PBX1: variants seen among roughly 807,000 people sequenced by gnomAD.
PBX1 encodes PBX homeobox 1.
In PBX1, 6 loss-of-function variants were observed where a neutral mutation model predicts 53.4. The observed-to-expected ratio is 0.11, with a 90% CI of 0.06 to 0.22. The LOEUF (loss-of-function observed/expected upper bound fraction) is 0.22, where lower values mean the gene tolerates loss of function less well. Among genes scored for constraint, PBX1 ranks in the 10% least tolerant of loss-of-function variants. The pLI, the probability that PBX1 is intolerant of heterozygous loss-of-function variation, is 1.00. For missense variants in PBX1, 251 were observed against 551.4 expected (o/e 0.46, Z 5.46); for synonymous variants, 204 against 212.3 (o/e 0.96, Z 0.34).
chr1:164,579,237 T>C (rs1654455314), intron 2 of PBX1, among the ~76,000 whole-genome samples: 1 of 152,216 alleles, frequency 6.6e-6, no homozygotes, highest in South Asian at 2.1e-4. Flanking sequence ...GTTTATACCC[T>C]ACATTTATTA....
intron 2 of PBX1, among the ~76,000 whole-genome samples, chr1:164,779,954 G>T (rs1667851152): frequency 6.6e-6 from 1 of 152,188 alleles, no homozygotes; most frequent in Non-Finnish European, 1.5e-5. Flanking sequence ...CAGCCTCAGG[G>T]AGGCAGATAT....
intron 2 of PBX1, among the ~76,000 whole-genome samples, chr1:164,736,126 C>G (rs1665255339): frequency 6.6e-6 from 1 of 152,162 alleles, no homozygotes; most frequent in African/African-American, 2.4e-5. Flanking sequence ...TGAAAGTGCC[C>G]CATCCAGCCT....
At chr1:164,666,718 G>C (rs1660830110) in intron 2 of PBX1, among the ~76,000 whole-genome samples, 1 of 152,142 alleles carries the variant, frequency 6.6e-6, no homozygotes, top group African/African-American at 2.4e-5. Context: ...AGGATTCCTG[G>C]GAGTTACTGA....
In PBX1 at chr1:164,830,055, A is replaced by G. The variant is rs180819652; in HGVS notation, c.1200+8429A>G. Reference sequence around the variant, plus strand: ...CAGTAGCCACTTTTGGCCAGTGGCTACCATGTTGGCTAGTGAAGTTCTAGA... The same window carrying G: ...CAGTAGCCACTTTTGGCCAGTGGCTGCCATGTTGGCTAGTGAAGTTCTAGA... On this transcript the variant is annotated intron_variant, in intron 8 of 8. Transcript: ENST00000420696. 5.8e-4 allele frequency: 89 copies of G among 152,304 alleles called. No individual in the cohort carries two copies. The East Asian group carries it at 0.013, about 22-fold the overall frequency. 9.4% of individuals were successfully genotyped at this position (152,304 alleles called of 1,614,324 possible). A position where few individuals can be genotyped will look rare whatever the true frequency, so the allele number is the denominator to read the frequency against.
chr1:164,593,578 T>C (rs1309039102), intron 2 of PBX1, among the ~76,000 whole-genome samples: 1 of 152,164 alleles, frequency 6.6e-6, no homozygotes, highest in African/African-American at 2.4e-5. Context: ...TTTGTTTTCA[T>C]CTATAAAAAT....
chr1:164,647,545 G>A (rs1410370690), intron 2 of PBX1, among the ~76,000 whole-genome samples: 1 of 152,146 alleles, frequency 6.6e-6, no homozygotes, highest in Non-Finnish European at 1.5e-5. Context: ...GAAGCCTGAG[G>A]AGCTTTCCTT....
chr1:164,714,179 T>C (rs1024000515), intron 2 of PBX1, among the ~76,000 whole-genome samples: 5 of 152,256 alleles, frequency 3.3e-5, no homozygotes, highest in Admixed American at 6.5e-5. Flanking sequence ...GTTAATGCTC[T>C]AGATTCCCTG....
chr1:164,767,692 C>G (rs1288499211), intron 2 of PBX1, among the ~76,000 whole-genome samples: 1 of 151,684 alleles, frequency 6.6e-6, no homozygotes, highest in Non-Finnish European at 1.5e-5. Flanking sequence ...TCACTGCCAA[C>G]TCAGATTTGG....
At chr1:164,689,340 T>G (rs574176820) in intron 2 of PBX1, among the ~76,000 whole-genome samples, 1 of 152,256 alleles carries the variant, frequency 6.6e-6, no homozygotes, top group South Asian at 2.1e-4. Flanking sequence ...TTTTCTTTTT[T>G]TTTTCCTCCA....
rs59042806 is a variant in PBX1, at chr1:164,724,670, A to ATTT, written c.266-67787_266-67785dup. 3.1e-4 allele frequency among the ~76,000 whole-genome samples: 15 copies of ATTT among 48,238 alleles called. 3 individuals are homozygous for ATTT. Among genetic ancestry groups the ATTT allele is most frequent in the South Asian group, 6.9e-4 (1 of 1,446 alleles). The allele number at this position is 48,238 out of a possible 152,430, so 31.6% of individuals were successfully genotyped here. A position where few individuals can be genotyped will look rare whatever the true frequency, so the allele number is the denominator to read the frequency against. Reference sequence around the variant, plus strand: ...CAGATGCCCATTGCAATAGCTGCAGATTTTTTTTTTTTTTTTTTTTTTTTT... The same window carrying ATTT: ...CAGATGCCCATTGCAATAGCTGCAGATTTTTTTTTTTTTTTTTTTTTTTTTTTT... On this transcript the variant is annotated intron_variant, in intron 2 of 8. Transcript: ENST00000420696.
intron 2 of PBX1, among the ~76,000 whole-genome samples, chr1:164,663,466 T>C (rs1660631421): frequency 6.6e-6 from 1 of 152,230 alleles, no homozygotes; most frequent in African/African-American, 2.4e-5. Context: ...TCATGATACG[T>C]AGAACCTGTT....
rs114520810 is a variant in PBX1, at chr1:164,677,546, A to G, written c.265+114235A>G. On this transcript the variant is annotated intron_variant, in intron 2 of 8. Transcript: ENST00000420696. Reference sequence around the variant, plus strand: ...GACTAAAATATGTAAACCACAGATGATAATGTTCAATGAAGTTGATAATTA... The same window carrying G: ...GACTAAAATATGTAAACCACAGATGGTAATGTTCAATGAAGTTGATAATTA... Among the ~76,000 whole-genome samples the G allele has an allele frequency of 2.2e-3, 334 of 152,278 alleles. 1 individual carries two copies. The highest frequency in any genetic ancestry group is 7.7e-3 in the African/African-American group (321 of 41,546).
At chr1:164,784,247 C>G (rs932081947) in intron 2 of PBX1, among the ~76,000 whole-genome samples, 2 of 152,198 alleles carry the variant, frequency 1.3e-5, no homozygotes, top group Non-Finnish European at 2.9e-5. Context: ...TTCTGTAGCT[C>G]CTGTTTAGGC....
chr1:164,657,629 G>A (rs1660239704), intron 2 of PBX1, among the ~76,000 whole-genome samples: 1 of 152,188 alleles, frequency 6.6e-6, no homozygotes, highest in South Asian at 2.1e-4. Context: ...GATGTAGAGT[G>A]CATTAACCTT....
chr1:164,877,654 C>A (rs1240645258), intron 2 of PBX1, among the ~76,000 whole-genome samples: 3 of 151,528 alleles, frequency 2.0e-5, no homozygotes, highest in South Asian at 2.1e-4. Context: ...TGGAATGAGA[C>A]CTTGTCTCAA....
chr1:164,828,738 A>T (rs2102383339), intron 8 of PBX1: 1 of 152,210 alleles, frequency 6.6e-6, no homozygotes, highest in Non-Finnish European at 1.5e-5. Flanking sequence ...AGCAAATATT[A>T]AGGCAATTAA....
At chr1:164,840,918 A>G (rs1271048787) in intron 8 of PBX1, among the ~76,000 whole-genome samples, 2 of 152,118 alleles carry the variant, frequency 1.3e-5, no homozygotes, top group Admixed American at 6.5e-5. Context: ...CTCCATGCCC[A>G]TGTTGGGGGA....
chr1:164,878,282 A>G (rs1315436541), intron 2 of PBX1, among the ~76,000 whole-genome samples: 1 of 152,184 alleles, frequency 6.6e-6, no homozygotes, highest in African/African-American at 2.4e-5. Flanking sequence ...GGTAAACTGC[A>G]TAGCACAGCC....
chr1:164,881,695 A>T lies in PBX1; in HGVS notation n.258-17493A>T, dbSNP rs556604956. Among the ~76,000 whole-genome samples the T allele has an allele frequency of 5.9e-5, 9 of 152,252 alleles. No individual in the cohort carries two copies. In the South Asian group the frequency reaches 1.9e-3, roughly 32 times the overall value. ...AGAGCTAGGAAGTTCCAAAGACACT[A>T]CATTTTCTGGCTGTCCAGCATCTGC... On this transcript the variant is annotated intron_variant and non_coding_transcript_variant, in intron 2 of 2. Transcript: ENST00000558796.
Sources: gnomAD v4.1 joint callset for allele counts (sites outside exome capture counted in the v4.1 genomes callset) on GRCh38, gnomAD v4.1.1 for gene constraint, MANE v1.5 for transcripts, NCBI Gene and HGNC (gene_info 2026-07-23, HGNC 2026-07-21) for gene names.